SIPA1L1: variants seen among roughly 807,000 people sequenced by gnomAD.
SIPA1L1 encodes signal induced proliferation associated 1 like 1.
Under a neutral mutation model 162.7 loss-of-function variants are expected in SIPA1L1, and 26 were observed. The ratio of observed to expected loss-of-function variants is 0.16; its 90% CI spans 0.12 to 0.22. The LOEUF (loss-of-function observed/expected upper bound fraction) is 0.22, where lower values mean the gene tolerates loss of function less well. SIPA1L1 is among the 10% of genes least tolerant of loss of function. SIPA1L1 has a pLI of 1.00. For synonymous variants in SIPA1L1, 829 were observed against 837.4 expected (o/e 0.99, Z 0.17); for missense variants, 1,874 against 2,241.0 (o/e 0.84, Z 3.31).
chr14:71,672,682 A>T, intron 12 of SIPA1L1, 60 bp downstream of exon 12: 1 of 1,554,414 alleles, frequency 6.4e-7, no homozygotes, highest in Non-Finnish European at 8.8e-7. Context: ...TGTACCATGT[A>T]GAACATCTCT....
intron 8 of SIPA1L1, among the ~76,000 whole-genome samples, chr14:71,657,045 T>C (rs544210309): frequency 6.6e-6 from 1 of 152,298 alleles, no homozygotes; most frequent in South Asian, 2.1e-4. Context: ...TCAAGTGTTT[T>C]GGTCCTCAAA....
intron 4 of SIPA1L1, among the ~76,000 whole-genome samples, chr14:71,548,885 CA>C (rs774158181): frequency 0.037 from 2,389 of 65,342 alleles, 32 homozygotes; most frequent in African/African-American, 0.12. Context: ...AGACTGTCTC[CA>C]AAAAAAAAAA....
chr14:71,459,478 G>C (rs999857314), intron 2 of SIPA1L1, among the ~76,000 whole-genome samples: 6 of 151,904 alleles, frequency 3.9e-5, no homozygotes, highest in Non-Finnish European at 1.5e-5. Context: ...GAGAGAGAGA[G>C]AGGAGTTTAT....
intron 22 of SIPA1L1, 36 bp from the exon 23 acceptor site, chr14:71,738,205 C>A: frequency 8.2e-7 from 1 of 1,224,648 alleles, no homozygotes; most frequent in South Asian, 1.4e-5. Flanking sequence ...GCCATGGAGG[C>A]CCCTGCCAAC....
rs118142469 is a variant in SIPA1L1 at position 71,580,336 on chromosome 14, A to T, written c.-302-7235A>T. ...GAAAAGGACAGAATATACGTAGGAA[A>T]GTAGATGCTTCCCAGGAAAGGGGAA... On this transcript the variant is annotated intron_variant, in intron 4 of 23. Transcript: ENST00000381232. Among the ~76,000 whole-genome samples the T allele has an allele frequency of 3.3e-3, 498 of 152,332 alleles. 1 individual carries two copies. Among genetic ancestry groups the T allele is most frequent in the Non-Finnish European group, 5.6e-3 (379 of 68,036 alleles).
At position 71,724,714 on chromosome 14, in the gene SIPA1L1, G is replaced by A. The variant is rs1156526365; in HGVS notation, c.4493G>A (p.Arg1498His). The A allele has an allele frequency of 3.3e-5, 53 of 1,614,026 alleles. No homozygotes were observed. The highest frequency in any genetic ancestry group is 1.6e-4 in the Middle Eastern group (1 of 6,084). Reference sequence around the variant, plus strand: ...AATGAAATAGCCCACACCAGGCTGCGTGCCTCAACCAGAGACCTCCGGGCA... The same window carrying A: ...AATGAAATAGCCCACACCAGGCTGCATGCCTCAACCAGAGACCTCCGGGCA... ...DGNEIAHTRLRASTRDLRASP... is the reference protein window; with the variant it reads ...DGNEIAHTRLHASTRDLRASP... The change falls in exon 19 of 24, where the codon CGT (arginine) becomes CAT (histidine). Residue 1498 changes from arginine to histidine, a missense_variant. By Grantham distance (29) the Arg-to-His change is conservative. Coordinates refer to ENST00000381232, the MANE Select transcript of SIPA1L1 (RefSeq NM_001386936.1).
chr14:71,349,646 A>T (rs1000969887), intron 2 of SIPA1L1, among the ~76,000 whole-genome samples: 1 of 152,196 alleles, frequency 6.6e-6, no homozygotes, highest in Non-Finnish European at 1.5e-5. Flanking sequence ...TGAGAGAAAA[A>T]GGTAGTGGTT....
chr14:71,390,929 C>T (rs1342937687), intron 2 of SIPA1L1, among the ~76,000 whole-genome samples: 1 of 152,014 alleles, frequency 6.6e-6, no homozygotes, highest in Non-Finnish European at 1.5e-5. Context: ...GCTGCGGTGA[C>T]AATATATCTT....
intron 3 of SIPA1L1, among the ~76,000 whole-genome samples, chr14:71,522,956 A>C (rs1162025172): frequency 6.6e-6 from 1 of 152,168 alleles, no homozygotes; most frequent in African/African-American, 2.4e-5. Context: ...TACAGGTGTG[A>C]GCCACTGCAC....
At chr14:71,399,943 A>T (rs1302056126) in intron 2 of SIPA1L1, among the ~76,000 whole-genome samples, 5 of 151,218 alleles carry the variant, frequency 3.3e-5, no homozygotes, top group African/African-American at 9.7e-5. Flanking sequence ...CTAATCTCTA[A>T]CTCCTGACCC....
At chr14:71,526,611 G>A (rs2052901433) in intron 3 of SIPA1L1, among the ~76,000 whole-genome samples, 1 of 152,126 alleles carries the variant, frequency 6.6e-6, no homozygotes. Context: ...ACACAGCCAA[G>A]CCCGTATTGT....
At chr14:71,463,534 G>A (rs980555907) in intron 2 of SIPA1L1, among the ~76,000 whole-genome samples, 9 of 152,134 alleles carry the variant, frequency 5.9e-5, no homozygotes, top group Non-Finnish European at 8.8e-5. Context: ...CCTTTCCCCA[G>A]TGCACAGTTA....
chr14:71,531,796 C>T (rs1478937091), intron 4 of SIPA1L1, among the ~76,000 whole-genome samples: 1 of 152,064 alleles, frequency 6.6e-6, no homozygotes, highest in Non-Finnish European at 1.5e-5. Context: ...TGTGAGCCAC[C>T]ATGCCTGGCC....
At chr14:71,564,435 G>A (rs2029875125) in intron 4 of SIPA1L1, among the ~76,000 whole-genome samples, 1 of 139,486 alleles carries the variant, frequency 7.2e-6, no homozygotes, top group Non-Finnish European at 1.5e-5. Flanking sequence ...AGAAAAATGT[G>A]TAGTCTTCTT....
chr14:71,473,614 A>G (rs1413528880), intron 2 of SIPA1L1, among the ~76,000 whole-genome samples: 1 of 152,202 alleles, frequency 6.6e-6, no homozygotes, highest in African/African-American at 2.4e-5. Context: ...ATGTGGAACT[A>G]CTCATGGATA....
At chr14:71,497,038 G>A (rs184246851) in intron 2 of SIPA1L1, among the ~76,000 whole-genome samples, 276 of 152,040 alleles carry the variant, frequency 1.8e-3, no homozygotes, top group African/African-American at 6.0e-3. Context: ...GCATGGTGGC[G>A]CGTGTCTGTA....
chr14:71,688,161 C>T (rs1006831393), intron 13 of SIPA1L1, among the ~76,000 whole-genome samples: 3 of 152,080 alleles, frequency 2.0e-5, no homozygotes, highest in African/African-American at 7.2e-5. Flanking sequence ...AATTTTGAGG[C>T]ATAAAGAGAA....
intron 4 of SIPA1L1, among the ~76,000 whole-genome samples, chr14:71,533,636 T>C (rs2053640642): frequency 6.6e-6 from 1 of 152,246 alleles, no homozygotes; most frequent in South Asian, 2.1e-4. Flanking sequence ...GTGTCTGCGG[T>C]TGTACATGCA....
intron 2 of SIPA1L1, among the ~76,000 whole-genome samples, chr14:71,361,487 A>C (rs1443705918): frequency 6.6e-6 from 1 of 152,200 alleles, no homozygotes; most frequent in Non-Finnish European, 1.5e-5. Context: ...AGTTCCCTTG[A>C]GATGGCTATC....
Sources: gnomAD v4.1 joint callset for allele counts (sites outside exome capture counted in the v4.1 genomes callset) on GRCh38, gnomAD v4.1.1 for gene constraint, MANE v1.5 for transcripts, NCBI Gene and HGNC (gene_info 2026-07-23, HGNC 2026-07-21) for gene names.